Variants in SMAD5 observed in about 807,000 individuals in gnomAD.
SMAD5 encodes the protein SMAD family member 5.
A neutral mutation model predicts 43.1 loss-of-function variants in SMAD5; 9 were observed. The ratio of observed to expected loss-of-function variants is 0.21; its 90% CI spans 0.13 to 0.36. The LOEUF is 0.36. Among genes scored for constraint, SMAD5 ranks in the 10% least tolerant of loss-of-function variants. The pLI, the probability that SMAD5 is intolerant of heterozygous loss-of-function variation, is 1.00. For missense variants in SMAD5, 348 were observed against 574.0 expected (o/e 0.61, Z 4.02); for synonymous variants, 190 against 192.4 (o/e 0.99, Z 0.10).
intron 1 of SMAD5, chr5:136,134,783 A>G (rs1752818414): frequency 6.6e-6 from 1 of 152,120 alleles, no homozygotes; most frequent in Non-Finnish European, 1.5e-5. Flanking sequence ...TTCCCTTTCC[A>G]CATTGTTGCT....
chr5:136,134,264 A>G (rs1195773620), intron 1 of SMAD5: 2 of 152,644 alleles, frequency 1.3e-5, no homozygotes, highest in African/African-American at 4.8e-5. Context: ...AGAAGTTGAG[A>G]GGAAAGGGTA....
At chr5:136,165,065 C>G (rs1451614074) in intron 5 of SMAD5, among the ~76,000 whole-genome samples, 3 of 152,148 alleles carry the variant, frequency 2.0e-5, no homozygotes, top group Non-Finnish European at 4.4e-5. Flanking sequence ...ATATCTATAC[C>G]TCATAGTCTT....
chr5:136,151,653 GTC>G (rs1753467041), intron 2 of SMAD5, among the ~76,000 whole-genome samples: 1 of 151,922 alleles, frequency 6.6e-6, no homozygotes, highest in South Asian at 2.1e-4. Context: ...TTCCTTAACT[GTC>G]TCTCTGTTGC....
chr5:136,155,883 A>T (rs979731132), intron 3 of SMAD5, among the ~76,000 whole-genome samples: 1 of 151,988 alleles, frequency 6.6e-6, no homozygotes, highest in South Asian at 2.1e-4. Context: ...TGCTCAGTAA[A>T]TTTTTTTTAT....
At chr5:136,148,692 A>G (rs1451586487) in intron 2 of SMAD5, among the ~76,000 whole-genome samples, 1 of 151,738 alleles carries the variant, frequency 6.6e-6, no homozygotes, top group Non-Finnish European at 1.5e-5. Flanking sequence ...ACAGTAACAG[A>G]CTAACTTGTA....
rs908914770 is a variant in SMAD5 at position 136,178,652 on chromosome 5, C to T, written c.*1172C>T. The stretch of plus-strand genomic sequence containing the variant: ...CAGCTTACTTGTATCAGCCTCCCTA[C>T]GCAAGGACCTATGCACTGGAGCCGT... On this transcript the variant is annotated 3_prime_UTR_variant, in exon 8 of 8. Coordinates refer to ENST00000545279, the MANE Select transcript of SMAD5 (RefSeq NM_005903.7). 1.3e-5 allele frequency: 2 copies of T among 152,178 alleles called. No homozygotes were observed. The highest frequency in any genetic ancestry group is 2.9e-5 in the Non-Finnish European group (2 of 68,036). 9.4% of individuals were successfully genotyped at this position (152,178 alleles called of 1,614,324 possible). A position where few individuals can be genotyped will look rare whatever the true frequency, so the allele number is the denominator to read the frequency against.
chr5:136,138,719 A>G (rs1752970337), intron 1 of SMAD5, among the ~76,000 whole-genome samples: 1 of 151,950 alleles, frequency 6.6e-6, no homozygotes, highest in Non-Finnish European at 1.5e-5. Flanking sequence ...GGTTGTATGT[A>G]TGCAAGTGTC....
At chr5:136,162,451 A>G (rs547014294) in intron 4 of SMAD5, among the ~76,000 whole-genome samples, 8 of 152,204 alleles carry the variant, frequency 5.3e-5, no homozygotes, top group Non-Finnish European at 1.2e-4. Flanking sequence ...ATCAATTGGT[A>G]TAGTTTTTTC....
chr5:136,165,915 C>T (rs1182591768), intron 5 of SMAD5, among the ~76,000 whole-genome samples: 1 of 151,694 alleles, frequency 6.6e-6, no homozygotes, highest in African/African-American at 2.4e-5. Flanking sequence ...CGAGATCCTG[C>T]TTTCATTTCT....
Position 136,165,662 on chromosome 5 carries a change from A to ATATTTTTTTTTTTTT in SMAD5, c.775+2272_775+2273insATTTTTTTTTTTTTT, listed in dbSNP as rs1561653930. Among the ~76,000 whole-genome samples the ATATTTTTTTTTTTTT allele has an allele frequency of 4.6e-5, 3 of 65,456 alleles. 1 individual carries two copies. The highest frequency in any genetic ancestry group is 1.1e-4 in the African/African-American group (2 of 18,324). The allele number at this position is 65,456 out of a possible 152,430, so 42.9% of individuals were successfully genotyped here. On this transcript the variant is annotated intron_variant, in intron 5 of 7. Transcript: ENST00000545279. ...TACTTCATATAAATGGAATCATACA[A>ATATTTTTTTTTTTTT]TTTTTTTTTTTTTTTTTTTTTTTTT...
chr5:136,153,914 C>T lies in SMAD5; in HGVS notation c.154C>T (p.Leu52=). ...LKKKKGAMEE[L]EKALSSPGQP... is the part of the protein sequence containing the mutation. ...AAAGAAAAAGGGTGCCATGGAGGAA[C>T]TGGAGAAAGCCTTGAGCAGTCCAGG... The change falls in exon 3 of 8, where the codon CTG becomes TTG. Residue 52 remains leucine, a synonymous_variant. Coordinates refer to ENST00000545279, the MANE Select transcript of SMAD5 (RefSeq NM_005903.7). The T allele has an allele frequency of 1.2e-6, 2 of 1,614,006 alleles. No homozygotes were observed. The highest frequency in any genetic ancestry group is 1.7e-6 in the Non-Finnish European group (2 of 1,179,922).
chr5:136,151,050 A>G (rs115847240), intron 2 of SMAD5, among the ~76,000 whole-genome samples: 3,216 of 152,084 alleles, frequency 0.021, 56 homozygotes, highest in Middle Eastern at 0.044. Flanking sequence ...GATATCTATA[A>G]ATAACAATTT....
intron 4 of SMAD5, among the ~76,000 whole-genome samples, chr5:136,162,123 A>G (rs1372806738): frequency 6.6e-6 from 1 of 152,242 alleles, no homozygotes; most frequent in African/African-American, 2.4e-5. Context: ...GGTGGAAACC[A>G]ATCCTGAATG....
intron 5 of SMAD5, among the ~76,000 whole-genome samples, chr5:136,167,007 CCTTT>C (rs1241152711): frequency 6.6e-6 from 1 of 152,160 alleles, no homozygotes; most frequent in Non-Finnish European, 1.5e-5. Context: ...TGTATTTTCT[CCTTT>C]CTTTTTGCCA....
At chr5:136,167,671 G>A (rs1277354247) in intron 5 of SMAD5, among the ~76,000 whole-genome samples, 2 of 151,520 alleles carry the variant, frequency 1.3e-5, no homozygotes, top group Non-Finnish European at 2.9e-5. Flanking sequence ...CCACCTGCTC[G>A]GGAGGCTGAG....
chr5:136,135,950 C>T (rs11959595), intron 1 of SMAD5, among the ~76,000 whole-genome samples: 1 of 151,782 alleles, frequency 6.6e-6, no homozygotes, highest in Non-Finnish European at 1.5e-5. Context: ...ATGATTTGCC[C>T]GTCTTCTCAT....
At chr5:136,175,857 A>G (rs993077341) in intron 7 of SMAD5, among the ~76,000 whole-genome samples, 8 of 152,010 alleles carry the variant, frequency 5.3e-5, no homozygotes, top group African/African-American at 9.7e-5. Context: ...CCACTCCCCA[A>G]TGTTCTTCAC....
chr5:136,174,069 G>T (rs1424979917), intron 6 of SMAD5, among the ~76,000 whole-genome samples: 39 of 143,368 alleles, frequency 2.7e-4, no homozygotes, highest in African/African-American at 5.9e-4. Flanking sequence ...ATGATTTGGG[G>T]TTTTTTTTTT....
intron 1 of SMAD5, among the ~76,000 whole-genome samples, chr5:136,137,270 A>C (rs866376105): frequency 0.021 from 2,619 of 123,802 alleles, 9 homozygotes; most frequent in African/African-American, 0.032. Flanking sequence ...ATTTTTTGGG[A>C]CCCCCCCCCG....
Sources: gnomAD v4.1 joint callset for allele counts (sites outside exome capture counted in the v4.1 genomes callset) on GRCh38, gnomAD v4.1.1 for gene constraint, MANE v1.5 for transcripts, NCBI Gene and HGNC (gene_info 2026-07-23, HGNC 2026-07-21) for gene names.